The following GRB10 variants were observed in gnomAD, a reference collection of about 807,000 sequenced individuals.
GRB10 encodes growth factor receptor-bound protein 10.
Under a neutral mutation model 80.9 loss-of-function variants are expected in GRB10, and 20 were observed. The observed-to-expected ratio is 0.25, with a 90% CI of 0.17 to 0.36. GRB10 has a LOEUF of 0.36. Ranked by LOEUF, GRB10 falls within the 10% of genes least tolerant of loss-of-function variation. The pLI is 1.00. For synonymous variants in GRB10, 291 were observed against 291.5 expected (o/e 1.00, Z 0.02); for missense variants, 548 against 747.7 (o/e 0.73, Z 3.12).
intron 8 of GRB10, among the ~76,000 whole-genome samples, chr7:50,621,484 G>A (rs185067819): frequency 4.6e-4 from 70 of 152,306 alleles, no homozygotes; most frequent in Non-Finnish European, 6.6e-4. Flanking sequence ...TGAACACAAC[G>A]TGGCAGGTGA....
At chr7:50,689,184 C>T (rs1016842477) in intron 5 of GRB10, among the ~76,000 whole-genome samples, 7 of 152,200 alleles carry the variant, frequency 4.6e-5, no homozygotes, top group Middle Eastern at 3.2e-3. Context: ...GCTGATCCCC[C>T]CCATCAGTAG....
intron 15 of GRB10, among the ~76,000 whole-genome samples, chr7:50,604,641 G>T (rs1253322433): frequency 6.6e-6 from 1 of 152,176 alleles, no homozygotes; most frequent in Non-Finnish European, 1.5e-5. Flanking sequence ...CGATGAAAAC[G>T]CCATGAACAT....
At chr7:50,670,445 C>T (rs917650860) in intron 6 of GRB10, among the ~76,000 whole-genome samples, 7 of 149,404 alleles carry the variant, frequency 4.7e-5, no homozygotes, top group African/African-American at 1.2e-4. Context: ...TTTACTAAAA[C>T]GAAAACTTTA....
At chr7:50,742,748 A>G (rs2072123561) in intron 3 of GRB10, among the ~76,000 whole-genome samples, 1 of 152,104 alleles carries the variant, frequency 6.6e-6, no homozygotes, top group Admixed American at 6.5e-5. Flanking sequence ...GTGGGGGGTA[A>G]TAGTGTTAAA....
chr7:50,787,639 G>A (rs774046634), upstream of GRB10, among the ~76,000 whole-genome samples: 10 of 152,136 alleles, frequency 6.6e-5, no homozygotes, highest in East Asian at 1.2e-3. Flanking sequence ...GGAGAAGGCC[G>A]GGGAGACCTG....
intron 13 of GRB10, among the ~76,000 whole-genome samples, chr7:50,607,511 G>T (rs2048745034): frequency 6.6e-6 from 1 of 152,112 alleles, no homozygotes. Flanking sequence ...AACATCAAGA[G>T]CAAGTAATCT....
chr7:50,749,722 A>G (rs1337476674), intron 3 of GRB10, among the ~76,000 whole-genome samples: 1 of 152,178 alleles, frequency 6.6e-6, no homozygotes, highest in African/African-American at 2.4e-5. Flanking sequence ...CCAGTCATCA[A>G]CTCGTTGGTC....
At chr7:50,668,428 A>G (rs2153635477) in intron 7 of GRB10, among the ~76,000 whole-genome samples, 1 of 152,302 alleles carries the variant, frequency 6.6e-6, no homozygotes, top group Non-Finnish European at 1.5e-5. Context: ...CAATCAGCAC[A>G]GTGGCTGCAA....
At chr7:50,773,565 T>C (rs982052012) in intron 2 of GRB10, among the ~76,000 whole-genome samples, 2 of 151,702 alleles carry the variant, frequency 1.3e-5, no homozygotes, top group African/African-American at 2.4e-5. Flanking sequence ...GGCAAGAATG[T>C]GGAGAAACTG....
Position 50,681,979 on chromosome 7 carries a change from G to A in GRB10, c.140-7321C>T, listed in dbSNP as rs550390100. 6.6e-5 allele frequency among the ~76,000 whole-genome samples: 10 copies of A among 152,212 alleles called. No individual in the cohort carries two copies. In the South Asian group the frequency reaches 1.9e-3, roughly 28 times the overall value. ...TGAGCCCCGGGTTGATGAATCCTGA[G>A]TGTGTCAGGTGATCCTTAGAAGAAA... is the stretch of plus-strand genomic sequence containing the variant. On this transcript the variant is annotated intron_variant, in intron 5 of 18. Coordinates refer to ENST00000401949, the MANE Select transcript of GRB10 (RefSeq NM_001350814.2).
chr7:50,647,006 A>G (rs1261119802), intron 7 of GRB10, among the ~76,000 whole-genome samples: 2 of 152,236 alleles, frequency 1.3e-5, no homozygotes, highest in Non-Finnish European at 2.9e-5. Context: ...TAAAAGTATC[A>G]CTAACTAAAA....
chr7:50,636,335 C>G (rs1303790714), intron 7 of GRB10, among the ~76,000 whole-genome samples: 2 of 152,122 alleles, frequency 1.3e-5, no homozygotes, highest in Non-Finnish European at 2.9e-5. Flanking sequence ...CTTACTGAAA[C>G]TATTCCAAAA....
chr7:50,658,308 G>A (rs2058856185), intron 7 of GRB10, among the ~76,000 whole-genome samples: 1 of 152,248 alleles, frequency 6.6e-6, no homozygotes, highest in Non-Finnish European at 1.5e-5. Context: ...TATGGCAGAA[G>A]CTGTCAGGTA....
At chr7:50,742,447 C>CA (rs2072053178) in intron 3 of GRB10, among the ~76,000 whole-genome samples, 1 of 152,178 alleles carries the variant, frequency 6.6e-6, no homozygotes, top group Non-Finnish European at 1.5e-5. Flanking sequence ...CAGGATCCTA[C>CA]AAGTCCTAGG....
intron 5 of GRB10, among the ~76,000 whole-genome samples, chr7:50,699,095 C>T (rs2063817711): frequency 6.6e-6 from 1 of 152,140 alleles, no homozygotes. Context: ...TCTTGGCATA[C>T]AGGAGTACTA....
At chr7:50,771,132 C>T (rs964106250) in intron 2 of GRB10, among the ~76,000 whole-genome samples, 1 of 152,132 alleles carries the variant, frequency 6.6e-6, no homozygotes, top group African/African-American at 2.4e-5. Context: ...GAGTAAGAGT[C>T]CATGGAGACT....
intron 1 of GRB10, among the ~76,000 whole-genome samples, chr7:50,791,479 A>T (rs1003244247): frequency 5.3e-5 from 8 of 152,206 alleles, no homozygotes; most frequent in African/African-American, 1.9e-4. Flanking sequence ...GGTTCTAGTG[A>T]CAGCTTTGTC....
At chr7:50,641,789 G>A (rs1310046573) in intron 7 of GRB10, among the ~76,000 whole-genome samples, 1 of 152,212 alleles carries the variant, frequency 6.6e-6, no homozygotes, top group Admixed American at 6.5e-5. Flanking sequence ...GGCGAGAGAA[G>A]GCACTGGGAC....
intron 6 of GRB10, 68 bp downstream of exon 6, chr7:50,674,368 A>G (rs1203583322): frequency 1.4e-6 from 2 of 1,451,228 alleles, no homozygotes; most frequent in Admixed American, 3.4e-5. Context: ...TTTAACTCAC[A>G]GAGAGCAGTG....
Sources: gnomAD v4.1 joint callset for allele counts (sites outside exome capture counted in the v4.1 genomes callset) on GRCh38, gnomAD v4.1.1 for gene constraint, MANE v1.5 for transcripts, NCBI Gene and HGNC (gene_info 2026-07-23, HGNC 2026-07-21) for gene names.